The following ADAM10 variants were observed in gnomAD, a reference collection of about 807,000 sequenced individuals.
The protein encoded by ADAM10 is disintegrin and metalloproteinase domain-containing protein 10.
ADAM10 carries 17 observed loss-of-function variants against 90.1 expected under a neutral mutation model. That is an observed-to-expected ratio of 0.19 (90% confidence interval 0.13 to 0.28). The LOEUF is 0.28. Among genes scored for constraint, ADAM10 ranks in the 10% least tolerant of loss-of-function variants. ADAM10 has a pLI of 1.00. For synonymous variants in ADAM10, 310 were observed against 298.6 expected, an observed-to-expected ratio of 1.04 and a Z score of -0.40; for missense variants, 610 against 914.3, an observed-to-expected ratio of 0.67 and a Z score of 4.29.
intron 4 of ADAM10, among the ~76,000 whole-genome samples, chr15:58,674,274 C>A (rs1897264460): frequency 6.6e-6 from 1 of 152,158 alleles, no homozygotes; most frequent in Non-Finnish European, 1.5e-5. Context: ...TATCACTGTG[C>A]TTAAATAAGT....
intron 2 of ADAM10, among the ~76,000 whole-genome samples, chr15:58,693,920 C>A (rs748638537): frequency 1.3e-5 from 2 of 152,104 alleles, no homozygotes; most frequent in Non-Finnish European, 2.9e-5. Context: ...AAAAATACTT[C>A]ACAAAGAAGA....
chr15:58,696,528 C>G (rs957020501), intron 2 of ADAM10, among the ~76,000 whole-genome samples: 1 of 150,322 alleles, frequency 6.7e-6, no homozygotes, highest in Admixed American at 6.6e-5. Flanking sequence ...TGCAATGCAG[C>G]GATCTCGGCT....
chr15:58,621,188 G>A (rs1312819555), intron 11 of ADAM10, among the ~76,000 whole-genome samples: 10 of 149,496 alleles, frequency 6.7e-5, no homozygotes, highest in South Asian at 4.3e-4. Context: ...AATTGAGCCC[G>A]GGAGGTGGAA....
chr15:58,604,074 T>G (rs1211499985), intron 14 of ADAM10, among the ~76,000 whole-genome samples: 1 of 152,072 alleles, frequency 6.6e-6, no homozygotes, highest in Non-Finnish European at 1.5e-5. Context: ...CTTAAGAACT[T>G]AGCTTGGCCG....
chr15:58,667,006 T>C (rs1897095561), intron 4 of ADAM10, among the ~76,000 whole-genome samples: 1 of 152,136 alleles, frequency 6.6e-6, no homozygotes, highest in Admixed American at 6.6e-5. Flanking sequence ...ATTTTCCCTC[T>C]AAAATTACTA....
At chr15:58,720,390 TTTTATTTTATTTTA>T (rs1276642802) in intron 1 of ADAM10, among the ~76,000 whole-genome samples, 18 of 85,098 alleles carry the variant, frequency 2.1e-4, no homozygotes, top group African/African-American at 6.2e-4. Flanking sequence ...TTTTATTTTA[TTTTATTTTATTTTA>T]TTTTTTTTTT....
chr15:58,641,094 G>T, intron 7 of ADAM10, 134 bp from the exon 8 acceptor site: 1 of 853,892 alleles, frequency 1.2e-6, no homozygotes. Context: ...AGGCTTCTAA[G>T]GTTGTTCCCA....
At chr15:58,619,027 T>C (rs1895701705) in intron 11 of ADAM10, among the ~76,000 whole-genome samples, 2 of 152,080 alleles carry the variant, frequency 1.3e-5, no homozygotes, top group African/African-American at 4.8e-5. Context: ...GAAGTCAGTA[T>C]ATAAAAGGGA....
chr15:58,738,363 T>C (rs146319998), intron 1 of ADAM10, among the ~76,000 whole-genome samples: 9 of 152,334 alleles, frequency 5.9e-5, no homozygotes, highest in African/African-American at 2.2e-4. Context: ...CCAGGAACTA[T>C]CATGCCCTAT....
chr15:58,714,292 T>TACACACACACAC (rs71116591), intron 2 of ADAM10, among the ~76,000 whole-genome samples: 2,342 of 142,830 alleles, frequency 0.016, 48 homozygotes, highest in African/African-American at 0.054. Context: ...TACATACACA[T>TACACACACACAC]ACACACACAC....
chr15:58,684,607 C>T (rs981231658), intron 2 of ADAM10, among the ~76,000 whole-genome samples: 11 of 152,244 alleles, frequency 7.2e-5, no homozygotes, highest in Non-Finnish European at 1.2e-4. Flanking sequence ...AAACTCTGTG[C>T]TGCCTCCCAC....
At chr15:58,703,511 G>C (rs1333626236) in intron 2 of ADAM10, among the ~76,000 whole-genome samples, 1 of 152,076 alleles carries the variant, frequency 6.6e-6, no homozygotes, top group African/African-American at 2.4e-5. Flanking sequence ...ATATTGTTCA[G>C]CCCTAAAAAG....
chr15:58,640,385 G>A (rs755459267), intron 8 of ADAM10, among the ~76,000 whole-genome samples: 54 of 152,176 alleles, frequency 3.5e-4, no homozygotes, highest in Non-Finnish European at 6.2e-4. Flanking sequence ...AGAAGAGAGA[G>A]CAAGACACAG....
intron 11 of ADAM10, among the ~76,000 whole-genome samples, chr15:58,614,275 G>C (rs1232286573): frequency 4.0e-5 from 6 of 151,058 alleles, no homozygotes; most frequent in South Asian, 2.1e-4. Flanking sequence ...ATGAAGTTAA[G>C]ACTCTGTCTC....
chr15:58,631,767 A>G (rs946916125), intron 9 of ADAM10, among the ~76,000 whole-genome samples: 1 of 152,222 alleles, frequency 6.6e-6, no homozygotes, highest in Admixed American at 6.5e-5. Context: ...CAAATCAACT[A>G]TGAACAATAA....
At chr15:58,670,180 C>G (rs2140735935) in intron 4 of ADAM10, among the ~76,000 whole-genome samples, 1 of 150,586 alleles carries the variant, frequency 6.6e-6, no homozygotes, top group South Asian at 2.1e-4. Context: ...ATGTGTAGAC[C>G]CTGATTAAAT....
rs549390951 is a variant in ADAM10 at position 58,663,852 on chromosome 15, T to C, written c.585+1245A>G. 2.6e-5 allele frequency among the ~76,000 whole-genome samples: 4 copies of C among 152,222 alleles called. No homozygotes were observed. In the South Asian group the frequency reaches 8.3e-4, roughly 32 times the overall value. Reference sequence around the variant, plus strand: ...CCCTTTCATTATATTTCTGGTAGTCTACTCGTGGTATAAATAAATGCAACC... The same window carrying C: ...CCCTTTCATTATATTTCTGGTAGTCCACTCGTGGTATAAATAAATGCAACC... On this transcript the variant is annotated intron_variant, in intron 5 of 15. Transcript: ENST00000260408.
intron 1 of ADAM10, among the ~76,000 whole-genome samples, chr15:58,723,286 C>T (rs753148924): frequency 6.6e-6 from 1 of 151,968 alleles, no homozygotes; most frequent in Admixed American, 6.6e-5. Context: ...ATCACAGCCC[C>T]GTGACTGCAG....
chr15:58,624,096 C>T (rs1034414510), intron 10 of ADAM10, among the ~76,000 whole-genome samples: 1 of 151,728 alleles, frequency 6.6e-6, no homozygotes, highest in Non-Finnish European at 1.5e-5. Flanking sequence ...CCATCCTGGC[C>T]AACATGGTAA....
Sources: gnomAD v4.1 joint callset for allele counts (sites outside exome capture counted in the v4.1 genomes callset) on GRCh38, gnomAD v4.1.1 for gene constraint, MANE v1.5 for transcripts, NCBI Gene and HGNC (gene_info 2026-07-23, HGNC 2026-07-21) for gene names.